EYS: variants seen among roughly 807,000 people sequenced by gnomAD.
EYS encodes EGF-like photoreceptor maintenance factor, also known as protein eyes shut homolog.
In EYS, 250 loss-of-function variants were observed where a neutral mutation model predicts 282.1. The ratio of observed to expected loss-of-function variants is 0.89; its 90% CI spans 0.80 to 0.98. The LOEUF (loss-of-function observed/expected upper bound fraction) is 0.98, where lower values mean the gene tolerates loss of function less well. Among genes scored for constraint, EYS ranks in the 50% least tolerant of loss-of-function variants. EYS has a pLI of 0.00. For missense variants in EYS, 4,016 were observed against 3,709.0 expected (o/e 1.08, Z -2.15); for synonymous variants, 1,355 against 1,282.9 (o/e 1.06, Z -1.20).
At chr6:64,076,032 T>C (rs535821795) in intron 32 of EYS, among the ~76,000 whole-genome samples, 1 of 152,082 alleles carries the variant, frequency 6.6e-6, no homozygotes, top group Admixed American at 6.6e-5. Flanking sequence ...ATGGCAGAGT[T>C]GAACTTGTGC....
intron 22 of EYS, among the ~76,000 whole-genome samples, chr6:64,811,842 C>A (rs1015154357): frequency 6.6e-6 from 1 of 152,086 alleles, no homozygotes; most frequent in African/African-American, 2.4e-5. Context: ...TTTCTAGTCT[C>A]TGTTATTCTG....
At chr6:64,597,642 G>T in intron 24 of EYS, among the ~76,000 whole-genome samples, 1 of 151,802 alleles carries the variant, frequency 6.6e-6, no homozygotes, top group African/African-American at 2.4e-5. Context: ...TCAGTTACAA[G>T]TGGGAGCTAA....
chr6:65,155,187 T>C (rs542999420), intron 12 of EYS, among the ~76,000 whole-genome samples: 63 of 151,666 alleles, frequency 4.2e-4, no homozygotes, highest in Non-Finnish European at 8.3e-4. Context: ...TAACATTCTA[T>C]CAGCATTACC....
At chr6:64,910,781 A>C (rs73767168) in intron 16 of EYS, among the ~76,000 whole-genome samples, 1,758 of 152,176 alleles carry the variant, frequency 0.012, 29 homozygotes, top group African/African-American at 0.041. Context: ...CTTTCCCTAA[A>C]CCCGTAGCAG....
At chr6:63,909,017 T>C (rs572757632) in intron 35 of EYS, among the ~76,000 whole-genome samples, 1 of 152,220 alleles carries the variant, frequency 6.6e-6, no homozygotes, top group South Asian at 2.1e-4. Flanking sequence ...ACTGGATTAT[T>C]GGCTGTGCTT....
intron 35 of EYS, among the ~76,000 whole-genome samples, chr6:63,946,160 T>C (rs1346078539): frequency 6.6e-6 from 1 of 152,218 alleles, no homozygotes. Context: ...GCAGAGCTGG[T>C]CCTGGACACA....
intron 29 of EYS, among the ~76,000 whole-genome samples, chr6:64,332,058 A>G (rs1161347955): frequency 6.6e-6 from 1 of 152,238 alleles, no homozygotes; most frequent in African/African-American, 2.4e-5. Flanking sequence ...TAAAAATCAA[A>G]TGGAAACTGC....
At chr6:65,418,776 G>A (rs1044075286) in intron 5 of EYS, among the ~76,000 whole-genome samples, 2 of 151,882 alleles carry the variant, frequency 1.3e-5, no homozygotes, top group African/African-American at 4.8e-5. Flanking sequence ...CATGACAAAC[G>A]TATACCTGTG....
At chr6:63,882,016 C>T (rs1411854863) in intron 35 of EYS, among the ~76,000 whole-genome samples, 1 of 152,116 alleles carries the variant, frequency 6.6e-6, no homozygotes, top group Non-Finnish European at 1.5e-5. Flanking sequence ...ACTGATTTAG[C>T]CTTTTGCATT....
chr6:64,660,396 G>A (rs1339701054), intron 22 of EYS, among the ~76,000 whole-genome samples: 6 of 151,702 alleles, frequency 4.0e-5, no homozygotes, highest in African/African-American at 1.2e-4. Context: ...GGGCAATCAG[G>A]CAGGAGAAGG....
intron 22 of EYS, among the ~76,000 whole-genome samples, chr6:64,628,288 T>A (rs988638053): frequency 1.3e-5 from 2 of 151,774 alleles, no homozygotes; most frequent in Non-Finnish European, 2.9e-5. Flanking sequence ...AGTGGTTTAC[T>A]CTTATATGCA....
At chr6:63,738,138 G>A (rs1768972637) in intron 41 of EYS, among the ~76,000 whole-genome samples, 1 of 152,170 alleles carries the variant, frequency 6.6e-6, no homozygotes, top group African/African-American at 2.4e-5. Flanking sequence ...CACTGTTGGT[G>A]GGACTGTAAA....
chr6:64,217,087 G>A (rs1765952729), intron 31 of EYS, among the ~76,000 whole-genome samples: 1 of 152,160 alleles, frequency 6.6e-6, no homozygotes, highest in African/African-American at 2.4e-5. Context: ...AAATATATGT[G>A]TTGTAGAATG....
chr6:64,679,005 A>AT (rs1769802441), intron 22 of EYS, among the ~76,000 whole-genome samples: 1 of 151,598 alleles, frequency 6.6e-6, no homozygotes, highest in South Asian at 2.1e-4. Context: ...AAACACTTTG[A>AT]TTTTTTAAAA....
Position 64,852,407 on chromosome 6 carries a change from C to G in EYS, c.2993-29585G>C, listed in dbSNP as rs139200491. On this transcript the variant is annotated intron_variant, in intron 19 of 42. Coordinates refer to ENST00000503581, the MANE Select transcript of EYS (RefSeq NM_001142800.2). ...TCTCACATGCTGGATGTTTCCTGCC[C>G]TCAAACATCAGACTCCAGGTTCTTC... is the stretch of plus-strand genomic sequence containing the variant. Among the ~76,000 whole-genome samples, 668 of 152,208 alleles carry G rather than the reference C, an allele frequency of 4.4e-3. 9 individuals are homozygous for G. Among genetic ancestry groups the G allele is most frequent in the Admixed American group, 0.03 (464 of 15,264 alleles).
intron 26 of EYS, among the ~76,000 whole-genome samples, chr6:64,579,692 G>A (rs887897549): frequency 6.6e-6 from 1 of 152,004 alleles, no homozygotes; most frequent in African/African-American, 2.4e-5. Context: ...ACATGAAAAT[G>A]CCCATTCTCA....
intron 28 of EYS, among the ~76,000 whole-genome samples, chr6:64,403,898 AT>A (rs1387153753): frequency 6.6e-6 from 1 of 152,072 alleles, no homozygotes; most frequent in South Asian, 2.1e-4. Flanking sequence ...GAGAAACTGG[AT>A]TTTTTCAGAG....
At chr6:64,528,595 T>C (rs563384780) in intron 26 of EYS, among the ~76,000 whole-genome samples, 3 of 152,144 alleles carry the variant, frequency 2.0e-5, no homozygotes, top group Admixed American at 2.0e-4. Flanking sequence ...ATGTCAAAAA[T>C]CTTATTTTTC....
intron 30 of EYS, among the ~76,000 whole-genome samples, chr6:64,274,486 T>TTTTTTTTTGTTG (rs932038455): frequency 2.1e-5 from 3 of 145,952 alleles, no homozygotes; most frequent in Admixed American, 6.8e-5. Flanking sequence ...TGGCCGTTTT[T>TTTTTTTTTGTTG]TTTTTTTTTT....
Sources: gnomAD v4.1 joint callset for allele counts (sites outside exome capture counted in the v4.1 genomes callset) on GRCh38, gnomAD v4.1.1 for gene constraint, MANE v1.5 for transcripts, NCBI Gene and HGNC (gene_info 2026-07-23, HGNC 2026-07-21) for gene names.